BCL7C: variants seen among roughly 807,000 people sequenced by gnomAD.
The protein encoded by BCL7C is BAF chromatin remodeling complex subunit BCL7C, also known as B-cell CLL/lymphoma 7 protein family member C.
In BCL7C, 8 loss-of-function variants were observed where a neutral mutation model predicts 26.2. The observed-to-expected ratio is 0.30, with a 90% CI of 0.18 to 0.55. BCL7C has a LOEUF of 0.55. Ranked by LOEUF, BCL7C falls within the 20% of genes least tolerant of loss-of-function variation. The pLI, the probability that BCL7C is intolerant of heterozygous loss-of-function variation, is 0.93. For missense variants in BCL7C, 262 were observed against 298.5 expected (o/e 0.88, Z 0.90); for synonymous variants, 90 against 116.5 (o/e 0.77, Z 1.47).
intron 5 of BCL7C, among the ~76,000 whole-genome samples, chr16:30,872,736 G>C (rs1326225986): frequency 2.0e-5 from 3 of 152,208 alleles, no homozygotes; most frequent in Non-Finnish European, 4.4e-5. Context: ...TTCCAGACTT[G>C]GTAAGTAGGT....
chr16:30,876,804 G>A (rs2054956952), intron 5 of BCL7C, among the ~76,000 whole-genome samples: 1 of 152,180 alleles, frequency 6.6e-6, no homozygotes, highest in Non-Finnish European at 1.5e-5. Context: ...TGCATGAGTT[G>A]GAAGAAAGCT....
chr16:30,881,171 T>G (rs1460771378), intron 5 of BCL7C, among the ~76,000 whole-genome samples: 1 of 151,710 alleles, frequency 6.6e-6, no homozygotes, highest in Non-Finnish European at 1.5e-5. Flanking sequence ...CCCAGGCGGG[T>G]GGATCACCTG....
intron 5 of BCL7C, among the ~76,000 whole-genome samples, chr16:30,874,160 TA>T (rs1168062529): frequency 1.3e-5 from 2 of 151,726 alleles, no homozygotes; most frequent in South Asian, 2.1e-4. Context: ...CACATCCGTC[TA>T]ATTTTTGTAT....
intron 5 of BCL7C, among the ~76,000 whole-genome samples, chr16:30,861,269 T>C (rs2054769649): frequency 6.6e-6 from 1 of 152,114 alleles, no homozygotes; most frequent in Non-Finnish European, 1.5e-5. Context: ...TATACAATAA[T>C]AGAGTAGAGG....
At chr16:30,885,065 A>G (rs2055110436), downstream of BCL7C, among the ~76,000 whole-genome samples, 1 of 152,192 alleles carries the variant, frequency 6.6e-6, no homozygotes, top group Non-Finnish European at 1.5e-5. Context: ...AAAGAAGTCC[A>G]CATCTGAATC....
At chr16:30,839,374 T>C (rs1206827788) in intron 5 of BCL7C, among the ~76,000 whole-genome samples, 2 of 152,208 alleles carry the variant, frequency 1.3e-5, no homozygotes, top group African/African-American at 4.8e-5. Context: ...AGGATTCTAA[T>C]AGATGCTCCC....
At chr16:30,854,703 C>T (rs2054704131) in intron 5 of BCL7C, among the ~76,000 whole-genome samples, 1 of 70,460 alleles carries the variant, frequency 1.4e-5, no homozygotes, top group Non-Finnish European at 3.1e-5. Flanking sequence ...TCACCACTCA[C>T]TTTCTTTTTT....
chr16:30,892,995 T>C, intron 2 of BCL7C, 47 bp from the exon 3 acceptor site: 1 of 1,550,238 alleles, frequency 6.5e-7, no homozygotes, highest in South Asian at 1.1e-5. Flanking sequence ...AGCCCCACCA[T>C]ACACCTAAGG....
At chr16:30,874,243 G>A (rs979289536) in intron 5 of BCL7C, among the ~76,000 whole-genome samples, 5 of 151,970 alleles carry the variant, frequency 3.3e-5, no homozygotes, top group Non-Finnish European at 7.4e-5. Context: ...TGATCTGCCC[G>A]ACGTGGCCTC....
chr16:30,845,549 T>C (rs2054628962), intron 5 of BCL7C, among the ~76,000 whole-genome samples: 1 of 152,152 alleles, frequency 6.6e-6, no homozygotes, highest in East Asian at 1.9e-4. Context: ...GGCAGATTTC[T>C]AGGAGGTCTC....
At chr16:30,890,979 C>G (rs2055218146) in intron 4 of BCL7C, among the ~76,000 whole-genome samples, 1 of 151,806 alleles carries the variant, frequency 6.6e-6, no homozygotes, top group Non-Finnish European at 1.5e-5. Context: ...GAATGAAACT[C>G]TGTCTCAAAA....
downstream of BCL7C, among the ~76,000 whole-genome samples, chr16:30,883,634 A>G (rs1181978893): frequency 7.5e-6 from 1 of 132,678 alleles, no homozygotes; most frequent in African/African-American, 2.9e-5. Flanking sequence ...CTCCTGTCTC[A>G]ACCTCCTGAG....
intron 5 of BCL7C, 104 bp from the exon 6 acceptor site, chr16:30,888,094 C>G: frequency 1.6e-6 from 2 of 1,220,092 alleles, no homozygotes; most frequent in Non-Finnish European, 1.1e-6. Context: ...CTCCTGGGCC[C>G]GGGAGGCAAG....
chr16:30,843,815 G>A (rs1342522120), intron 5 of BCL7C, among the ~76,000 whole-genome samples: 1 of 151,854 alleles, frequency 6.6e-6, no homozygotes, highest in Non-Finnish European at 1.5e-5. Flanking sequence ...TGAGGTGGGT[G>A]GATCACTTGA....
At chr16:30,873,951 G>A (rs199998096) in intron 5 of BCL7C, among the ~76,000 whole-genome samples, 1 of 9,650 alleles carries the variant, frequency 1.0e-4, no homozygotes, top group African/African-American at 2.7e-4. Flanking sequence ...ATAGATATAT[G>A]TATACACACA....
chr16:30,849,675 T>C (rs1024961593), intron 5 of BCL7C, among the ~76,000 whole-genome samples: 4 of 152,076 alleles, frequency 2.6e-5, no homozygotes, highest in African/African-American at 9.7e-5. Context: ...GGTCTTGAAC[T>C]CCTGACCTTG....
downstream of BCL7C, among the ~76,000 whole-genome samples, chr16:30,883,465 C>T (rs2055072845): frequency 6.9e-6 from 1 of 144,336 alleles, no homozygotes; most frequent in Admixed American, 6.8e-5. Context: ...AGCCTCCCGC[C>T]TCAGCCTCCC....
Position 30,834,973 on chromosome 16 carries a change from G to A in BCL7C, c.704C>T (p.Thr235Ile), listed in dbSNP as rs2054560524. ...TCACCTCCCCTTACCCTGGGGGATTGTTCTGGGTGCCCTCGGGGCCTTGCT... is the reference window on the plus strand; with the variant it reads ...TCACCTCCCCTTACCCTGGGGGATTATTCTGGGTGCCCTCGGGGCCTTGCT... Residue 235 changes from threonine (T) to isoleucine (I), a missense_variant, in exon 6 of 6, where the codon ACA (threonine) becomes ATA (isoleucine). By Grantham distance (89) the Thr-to-Ile change is moderately conservative. Transcript: ENST00000380317. This position sits in a 1 kb window ranked among gnomAD's most constrained non-coding sequence, Gnocchi z 4.3. 6.5e-7 allele frequency: 1 copy of A among 1,546,406 alleles called. No homozygotes were observed. Among genetic ancestry groups the A allele is most frequent in the East Asian group, 2.4e-5 (1 of 40,850 alleles).
At chr16:30,888,627 G>A (rs144074568) in intron 5 of BCL7C, 340 of 362,706 alleles carry the variant, frequency 9.4e-4, no homozygotes, top group Admixed American at 7.8e-3. Flanking sequence ...GAGCCACCAC[G>A]CCCAGCTTTG....
Sources: allele counts gnomAD v4.1 joint callset (sites outside exome capture counted in the v4.1 genomes callset), GRCh38; gene constraint gnomAD v4.1.1; non-coding constraint Gnocchi (gnomAD v3.1); transcripts MANE v1.5; gene names NCBI Gene and HGNC (gene_info 2026-07-23, HGNC 2026-07-21).